The following TDRD3 variants were observed in gnomAD, a reference collection of about 807,000 sequenced individuals.
The protein encoded by TDRD3 is tudor domain-containing protein 3.
In TDRD3, 45 loss-of-function variants were observed where a neutral mutation model predicts 86.7. The ratio of observed to expected loss-of-function variants is 0.52; its 90% CI spans 0.41 to 0.67. The LOEUF is 0.67. Among genes scored for constraint, TDRD3 ranks in the 30% least tolerant of loss-of-function variants. The probability of loss-of-function intolerance (pLI) is 0.00; values close to 1 mark genes in which losing one functional copy is unlikely to be tolerated. For synonymous variants in TDRD3, 298 were observed against 301.7 expected, an observed-to-expected ratio of 0.99 and a Z score of 0.13; for missense variants, 814 against 889.0, an observed-to-expected ratio of 0.92 and a Z score of 1.07.
At chr13:60,468,803 G>A (rs188230140) in intron 5 of TDRD3, among the ~76,000 whole-genome samples, 2 of 152,166 alleles carry the variant, frequency 1.3e-5, no homozygotes, top group African/African-American at 2.4e-5. Context: ...AATACTTGTG[G>A]TATAAATGAA....
intron 1 of TDRD3, among the ~76,000 whole-genome samples, chr13:60,415,432 G>C (rs767003331): frequency 2.6e-5 from 4 of 151,868 alleles, no homozygotes; most frequent in Admixed American, 6.6e-5. Flanking sequence ...CCAACCACTT[G>C]GGTGTATCAG....
At chr13:60,433,780 C>A (rs986879628) in intron 1 of TDRD3, among the ~76,000 whole-genome samples, 3 of 152,154 alleles carry the variant, frequency 2.0e-5, no homozygotes, top group Admixed American at 2.0e-4. Flanking sequence ...ATGGCTGCCC[C>A]CTTTAGCTCA....
intron 10 of TDRD3, among the ~76,000 whole-genome samples, chr13:60,526,515 G>A (rs1001917738): frequency 6.6e-6 from 1 of 151,774 alleles, no homozygotes; most frequent in Non-Finnish European, 1.5e-5. Context: ...GAAACTAAAA[G>A]TGACCATTTT....
At chr13:60,442,944 G>A (rs1245918202) in intron 2 of TDRD3, among the ~76,000 whole-genome samples, 2 of 151,812 alleles carry the variant, frequency 1.3e-5, no homozygotes, top group African/African-American at 2.4e-5. Flanking sequence ...CATAATTATT[G>A]ATGAAAACCA....
rs758908413 is a variant in TDRD3 at position 60,528,616 on chromosome 13, C to T, written c.1391C>T (p.Ala464Val). ...ACTTCTTCAGTATCTGAAGTATGGG[C>T]TGAAGACAGAATCAAATGTGATAGA... ...PSTSSVSEVW[A>V]EDRIKCDRPY... Residue 464 changes from alanine to valine, a missense_variant, in exon 11 of 14, where the codon GCT (alanine) becomes GTT (valine). Transcript: ENST00000377881. 1.9e-6 allele frequency: 3 copies of T among 1,613,928 alleles called. No homozygotes were observed. Among genetic ancestry groups the T allele is most frequent in the African/African-American group, 2.7e-5 (2 of 75,010 alleles).
chr13:60,531,867 T>C (rs1359179278), intron 11 of TDRD3, among the ~76,000 whole-genome samples: 3 of 152,136 alleles, frequency 2.0e-5, no homozygotes, highest in Non-Finnish European at 4.4e-5. Context: ...CTATGAATGA[T>C]TATCAAAAAC....
intron 12 of TDRD3, among the ~76,000 whole-genome samples, chr13:60,542,874 C>G (rs1957849161): frequency 6.6e-6 from 1 of 151,688 alleles, no homozygotes; most frequent in South Asian, 2.1e-4. Flanking sequence ...TATGGGCTAC[C>G]CTTACTACTG....
At chr13:60,464,788 A>G (rs1029841281) in intron 4 of TDRD3, among the ~76,000 whole-genome samples, 2 of 152,122 alleles carry the variant, frequency 1.3e-5, no homozygotes, top group African/African-American at 4.8e-5. Context: ...GCAGCCAGGA[A>G]GGATAGTGGG....
chr13:60,435,602 A>G (rs181859210), intron 1 of TDRD3, among the ~76,000 whole-genome samples: 1 of 152,132 alleles, frequency 6.6e-6, no homozygotes. Context: ...ACATTATTTC[A>G]ATTCGTTTTT....
intron 3 of TDRD3, among the ~76,000 whole-genome samples, chr13:60,448,980 G>A (rs1955471205): frequency 6.6e-6 from 1 of 152,006 alleles, no homozygotes; most frequent in South Asian, 2.1e-4. Flanking sequence ...TTTTTTCTAA[G>A]TTCTAAGAAT....
At chr13:60,557,274 C>G (rs7982963) in intron 12 of TDRD3, among the ~76,000 whole-genome samples, 151,631 of 151,652 alleles carry the variant, frequency 1, 75,805 homozygotes, top group Middle Eastern at 1. Flanking sequence ...AGGATGCAAA[C>G]CAATGGAGTT....
chr13:60,433,934 A>G (rs1250834692), intron 1 of TDRD3: 1 of 152,192 alleles, frequency 6.6e-6, no homozygotes. Context: ...CTGATGGTAA[A>G]GGGTGGTAAT....
At chr13:60,542,955 C>CA (rs1957850849) in intron 12 of TDRD3, among the ~76,000 whole-genome samples, 6 of 152,122 alleles carry the variant, frequency 3.9e-5, no homozygotes, top group Admixed American at 2.6e-4. Context: ...GTTTCACTGT[C>CA]ATACCTCTAG....
chr13:60,559,789 G>C (rs150539850), intron 12 of TDRD3, among the ~76,000 whole-genome samples: 186 of 152,272 alleles, frequency 1.2e-3, no homozygotes, highest in Admixed American at 3.1e-3. Context: ...AGTTATGCCA[G>C]ATGAATGGGT....
At chr13:60,485,581 A>G (rs935244329) in intron 6 of TDRD3, among the ~76,000 whole-genome samples, 1 of 152,088 alleles carries the variant, frequency 6.6e-6, no homozygotes, top group African/African-American at 2.4e-5. Context: ...CCACATATTT[A>G]TATAGCTTTT....
chr13:60,492,471 A>C (rs1438392418), intron 7 of TDRD3, among the ~76,000 whole-genome samples: 1 of 152,166 alleles, frequency 6.6e-6, no homozygotes, highest in East Asian at 1.9e-4. Context: ...AAGATGAAAA[A>C]CCTGAGGCTC....
rs1594882049 is a variant in TDRD3, at chr13:60,397,313, T to A, written c.-52T>A. On this transcript the variant is annotated 5_prime_UTR_variant, in exon 1 of 14. Transcript: ENST00000377881. Reference sequence around the variant, plus strand: ...GGGGGGGGGTCTCAAGTAGGAGGCCTCCCCATCACCCCCACCCCAGCCCCC... The same window carrying A: ...GGGGGGGGGTCTCAAGTAGGAGGCCACCCCATCACCCCCACCCCAGCCCCC... 282 of 843,978 alleles carry A rather than the reference T, an allele frequency of 3.3e-4. No homozygotes were observed. The highest frequency in any genetic ancestry group is 4.4e-4 in the Non-Finnish European group (260 of 585,140). 52.3% of individuals were successfully genotyped at this position (843,978 alleles called of 1,614,324 possible). A position where few individuals can be genotyped will look rare whatever the true frequency, so the allele number is the denominator to read the frequency against.
chr13:60,411,443 A>G (rs1007733979), intron 1 of TDRD3, among the ~76,000 whole-genome samples: 13 of 152,210 alleles, frequency 8.5e-5, no homozygotes, highest in African/African-American at 2.9e-4. Context: ...ATAAGCATTT[A>G]TTTTGATATT....
chr13:60,467,317 T>C lies in TDRD3; in HGVS notation c.433T>C (p.Ser145Pro). The C allele has an allele frequency of 6.2e-7, 1 of 1,613,942 alleles. No homozygotes were observed. Among genetic ancestry groups the C allele is most frequent in the East Asian group, 2.2e-5 (1 of 44,872 alleles). The change falls in exon 5 of 14, where the codon TCT becomes CCT. Residue 145 changes from serine (S) to proline (P), a missense_variant. Ser to Pro is a moderately conservative substitution (Grantham distance 74). Transcript: ENST00000377881. ...AAATGGATTCCTGCTCTTGAATGAC[T>C]CTAACACCACAGTTCTTGGTGGTGA... ...IKNGFLLLND[S>P]NTTVLGGEVE...
Sources: gnomAD v4.1 joint callset for allele counts (sites outside exome capture counted in the v4.1 genomes callset) on GRCh38, gnomAD v4.1.1 for gene constraint, MANE v1.5 for transcripts, NCBI Gene and HGNC (gene_info 2026-07-23, HGNC 2026-07-21) for gene names.